Variants in NETO2 observed in about 807,000 individuals in gnomAD.
NETO2 encodes neuropilin and tolloid like 2, also known as neuropilin and tolloid-like protein 2.
In NETO2, 28 loss-of-function variants were observed where a neutral mutation model predicts 62.5. The observed-to-expected ratio is 0.45, with a 90% CI of 0.33 to 0.61. The LOEUF (loss-of-function observed/expected upper bound fraction) is 0.61, where lower values mean the gene tolerates loss of function less well. Ranked by LOEUF, NETO2 falls within the 20% of genes least tolerant of loss-of-function variation. The pLI, the probability that NETO2 is intolerant of heterozygous loss-of-function variation, is 0.02. For synonymous variants in NETO2, 214 were observed against 219.1 expected (o/e 0.98, Z 0.21); for missense variants, 548 against 643.2 (o/e 0.85, Z 1.60).
At chr16:47,130,130 G>A (rs1287847723) in intron 2 of NETO2, among the ~76,000 whole-genome samples, 1 of 152,184 alleles carries the variant, frequency 6.6e-6, no homozygotes, top group African/African-American at 2.4e-5. Context: ...AGTTGAGAAC[G>A]AAAACAGGGA....
chr16:47,101,622 A>G (rs184377012), intron 7 of NETO2, among the ~76,000 whole-genome samples: 1 of 152,240 alleles, frequency 6.6e-6, no homozygotes, highest in Non-Finnish European at 1.5e-5. Flanking sequence ...AAAAATCACA[A>G]GGATTCCTAT....
At chr16:47,098,376 A>G (rs1963472448) in intron 7 of NETO2, among the ~76,000 whole-genome samples, 1 of 152,192 alleles carries the variant, frequency 6.6e-6, no homozygotes, top group South Asian at 2.1e-4. Flanking sequence ...AACTTCGTGA[A>G]GCATATGTAA....
At chr16:47,110,193 T>C (rs1963764722) in intron 6 of NETO2, among the ~76,000 whole-genome samples, 1 of 152,214 alleles carries the variant, frequency 6.6e-6, no homozygotes, top group African/African-American at 2.4e-5. Context: ...TCTATACTCT[T>C]AGCCATACCT....
Position 47,109,708 on chromosome 16 carries a change from A to G in NETO2, c.658T>C (p.Tyr220His). 1 of 1,599,306 alleles carries G rather than the reference A, an allele frequency of 6.3e-7. No individual in the cohort carries two copies. Among genetic ancestry groups the G allele is most frequent in the Non-Finnish European group, 8.6e-7 (1 of 1,166,582 alleles). ...ATTTGATAATCTAGGAACCTCAAAT[A>G]AATCTGTAATATTAACACAAAAACA... ...TIKATPKAKI[Y>H]LRFLDYQMEH... is the part of the protein sequence containing the mutation. Residue 220 changes from tyrosine (Y) to histidine (H), a missense_variant, in exon 7 of 9, where the codon TAT becomes CAT. Tyr to His is a moderately conservative substitution (Grantham distance 83). Coordinates refer to ENST00000562435, the MANE Select transcript of NETO2 (RefSeq NM_018092.5).
intron 7 of NETO2, among the ~76,000 whole-genome samples, chr16:47,087,886 C>T (rs1165248042): frequency 6.6e-6 from 1 of 152,126 alleles, no homozygotes; most frequent in Non-Finnish European, 1.5e-5. Context: ...TATTTGGCAC[C>T]TATCCTTGTG....
intron 1 of NETO2, among the ~76,000 whole-genome samples, chr16:47,142,987 C>T (rs1212632739): frequency 2.6e-5 from 4 of 151,792 alleles, no homozygotes; most frequent in African/African-American, 9.7e-5. Flanking sequence ...AAGCCGGGTC[C>T]GCGGCGCCCG....
At chr16:47,117,741 A>G (rs1963951636) in intron 6 of NETO2, among the ~76,000 whole-genome samples, 1 of 152,108 alleles carries the variant, frequency 6.6e-6, no homozygotes, top group South Asian at 2.1e-4. Context: ...CTACTCTTTG[A>G]GAGTGTTTAC....
rs957628074 is a variant in NETO2, at chr16:47,128,356, C to T, written c.450G>A (p.Leu150=). The change falls in exon 4 of 9, where the codon CTG becomes CTA. Residue 150 remains leucine, a synonymous_variant. Coordinates refer to ENST00000562435, the MANE Select transcript of NETO2 (RefSeq NM_018092.5). ...TAAATGAATATTTTGCTCGAAATCC[C>T]AGTCCTTCAAGCTCTTCATCAGAAC... The part of the protein sequence containing the change: ...KFSSDEELEG[L]GFRAKYSFIP... 10 of 1,613,530 alleles carry T rather than the reference C, an allele frequency of 6.2e-6. No homozygotes were observed. The highest frequency in any genetic ancestry group is 1.3e-5 in the African/African-American group (1 of 75,026).
At chr16:47,119,213 G>A (rs1358016816) in intron 6 of NETO2, among the ~76,000 whole-genome samples, 5 of 149,240 alleles carry the variant, frequency 3.4e-5, no homozygotes, top group Non-Finnish European at 5.9e-5. Context: ...GTGCAGTGGC[G>A]TGATCTCAGC....
At chr16:47,090,598 C>G (rs554006675) in intron 7 of NETO2, among the ~76,000 whole-genome samples, 1 of 152,246 alleles carries the variant, frequency 6.6e-6, no homozygotes, top group East Asian at 1.9e-4. Context: ...TGTGTCCCCC[C>G]CAATTTCAAT....
rs1359848580 is a variant in NETO2, at chr16:47,079,846, TAA to T, written c.*3373_*3374del. On this transcript the variant is annotated 3_prime_UTR_variant, in exon 9 of 9. Transcript: ENST00000562435. ...ATATATAGCAGACCCCATTTTGCAA[TAA>T]GAGTATAATCTCCTTTGAGAATTAT... is the stretch of plus-strand genomic sequence containing the variant. 5.9e-5 allele frequency: 9 copies of T among 152,196 alleles called. No individual in the cohort carries two copies. Among genetic ancestry groups the T allele is most frequent in the Admixed American group, 1.3e-4 (2 of 15,288 alleles). The allele number at this position is 152,196 out of a possible 1,614,324, so 9.4% of individuals were successfully genotyped here.
rs771647362 is a variant in NETO2 at position 47,081,239 on chromosome 16, AGTT to A, written c.*1979_*1981del. The stretch of plus-strand genomic sequence containing the variant: ...TTCCCTTTTATCATCATAAGATCAT[AGTT>A]GTTGTTATATTAAGTATTTATTATG... On this transcript the variant is annotated 3_prime_UTR_variant, in exon 9 of 9. Transcript: ENST00000562435. The A allele has an allele frequency of 5.9e-5, 9 of 152,294 alleles. No individual in the cohort carries two copies. The East Asian group carries it at 7.7e-4, about 13-fold the overall frequency. The allele number at this position is 152,294 out of a possible 1,614,324, so 9.4% of individuals were successfully genotyped here.
Position 47,082,056 on chromosome 16 carries a change from A to C in NETO2, c.*1165T>G, listed in dbSNP as rs1030042501. ...TTTAATAAAGTTTGTACAGTATCAA[A>C]TAATATCAAAAGTCTAAAAAACACA... On this transcript the variant is annotated 3_prime_UTR_variant, in exon 9 of 9. Coordinates refer to ENST00000562435, the MANE Select transcript of NETO2 (RefSeq NM_018092.5). 3 of 152,646 alleles carry C rather than the reference A, an allele frequency of 2.0e-5. No individual in the cohort carries two copies. The highest frequency in any genetic ancestry group is 2.9e-5 in the Non-Finnish European group (2 of 68,032). 9.5% of individuals were successfully genotyped at this position (152,646 alleles called of 1,614,324 possible). A position where few individuals can be genotyped will look rare whatever the true frequency, so the allele number is the denominator to read the frequency against.
intron 7 of NETO2, among the ~76,000 whole-genome samples, chr16:47,096,266 A>G (rs1036556228): frequency 4.1e-4 from 62 of 152,330 alleles, no homozygotes; most frequent in African/African-American, 1.5e-3. Context: ...GAGAAAGAAG[A>G]CAAACTAAAT....
chr16:47,122,876 G>T lies in NETO2; in HGVS notation c.518C>A (p.Pro173His). 1.2e-6 allele frequency: 2 copies of T among 1,613,926 alleles called. No homozygotes were observed. Among genetic ancestry groups the T allele is most frequent in the African/African-American group, 1.3e-5 (1 of 75,014 alleles). Residue 173 changes from proline to histidine, a missense_variant, in exon 5 of 9, where the codon CCC becomes CAC. Coordinates refer to ENST00000562435, the MANE Select transcript of NETO2 (RefSeq NM_018092.5). ...GTGGTAATATACTAAACCTGGAATG[G>T]GATTTAAAATACCTCCTAGGTAAGT... ...DFTYLGGILNPIPDCQFELSG... is the reference protein window; with the variant it reads ...DFTYLGGILNHIPDCQFELSG...
At chr16:47,133,087 T>A (rs556928322) in intron 1 of NETO2, among the ~76,000 whole-genome samples, 32 of 152,328 alleles carry the variant, frequency 2.1e-4, no homozygotes, top group African/African-American at 7.5e-4. Flanking sequence ...GGAATCAATG[T>A]ATTGTTGAAT....
At chr16:47,093,649 T>A (rs1196490176) in intron 7 of NETO2, among the ~76,000 whole-genome samples, 1 of 152,226 alleles carries the variant, frequency 6.6e-6, no homozygotes, top group Non-Finnish European at 1.5e-5. Flanking sequence ...ATAACCCAAT[T>A]GACCATTTGG....
chr16:47,086,865 G>A (rs1963200208), intron 7 of NETO2, among the ~76,000 whole-genome samples: 1 of 152,128 alleles, frequency 6.6e-6, no homozygotes, highest in African/African-American at 2.4e-5. Flanking sequence ...ATGCACAACA[G>A]CCAGAAAGTG....
intron 7 of NETO2, among the ~76,000 whole-genome samples, chr16:47,105,592 A>G (rs149321945): frequency 1.3e-5 from 2 of 152,314 alleles, no homozygotes; most frequent in East Asian, 3.9e-4. Flanking sequence ...CTAATCACAT[A>G]CACAATAAGG....
Sources: allele counts gnomAD v4.1 joint callset (sites outside exome capture counted in the v4.1 genomes callset), GRCh38; gene constraint gnomAD v4.1.1; transcripts MANE v1.5; gene names NCBI Gene and HGNC (gene_info 2026-07-23, HGNC 2026-07-21).